Variants in LINGO1 observed in about 807,000 individuals in gnomAD.
LINGO1 encodes leucine rich repeat and Ig domain containing 1.
A neutral mutation model predicts 37.3 loss-of-function variants in LINGO1; 11 were observed. The ratio of observed to expected loss-of-function variants is 0.29; its 90% CI spans 0.19 to 0.49. The LOEUF is 0.49. LINGO1 is among the 20% of genes least tolerant of loss of function. LINGO1 has a pLI of 0.99. For synonymous variants in LINGO1, 387 were observed against 403.0 expected (o/e 0.96, Z 0.48); for missense variants, 585 against 878.2 (o/e 0.67, Z 4.22).
chr15:77,781,719 T>C (rs749930515), intron 1 of LINGO1, among the ~76,000 whole-genome samples: 6 of 152,208 alleles, frequency 3.9e-5, no homozygotes, highest in Non-Finnish European at 7.3e-5. Context: ...AAACTGAAGC[T>C]CAGAGGGGGT....
chr15:77,680,922 C>T (rs2075402840), intron 2 of LINGO1, among the ~76,000 whole-genome samples: 1 of 152,140 alleles, frequency 6.6e-6, no homozygotes, highest in African/African-American at 2.4e-5. Context: ...TGTGGGACAA[C>T]ACGAGGAACA....
At chr15:77,667,790 C>T (rs1288232495) in intron 3 of LINGO1, 1 of 152,138 alleles carries the variant, frequency 6.6e-6, no homozygotes, top group Non-Finnish European at 1.5e-5. Flanking sequence ...GAAAAGCGCC[C>T]TAGGGTCATC....
chr15:77,697,101 G>A (rs971523818), upstream of LINGO1, among the ~76,000 whole-genome samples: 11 of 152,362 alleles, frequency 7.2e-5, no homozygotes, highest in African/African-American at 2.6e-4. Flanking sequence ...CTGTGATCAT[G>A]CCACTGCACT....
rs565512912 is a variant in LINGO1, at chr15:77,670,832, G to T, written c.-13+6257C>A. On this transcript the variant is annotated intron_variant, in intron 3 of 3. Coordinates refer to the LINGO1 transcript ENST00000559893. ...GCAGGCAGCTCTGTGGCTGTTTCCT[G>T]CCTCAAAGCCCCCAGATCCCTGGGG... Among the ~76,000 whole-genome samples, 13 of 152,332 alleles carry T rather than the reference G, an allele frequency of 8.5e-5. 1 individual carries two copies. Among genetic ancestry groups the T allele is most frequent in the African/African-American group, 3.1e-4 (13 of 41,584 alleles).
chr15:77,724,408 G>A (rs1309259685), intron 2 of LINGO1, among the ~76,000 whole-genome samples: 1 of 152,312 alleles, frequency 6.6e-6, no homozygotes, highest in African/African-American at 2.4e-5. Context: ...CAAACGCGGG[G>A]ACTTATCAGG....
At chr15:77,672,008 C>T (rs1255139765) in intron 3 of LINGO1, among the ~76,000 whole-genome samples, 2 of 150,528 alleles carry the variant, frequency 1.3e-5, no homozygotes, top group Non-Finnish European at 3.0e-5. Flanking sequence ...CTGCCTCCTC[C>T]TCCTCCTCCT....
intron 2 of LINGO1, among the ~76,000 whole-genome samples, chr15:77,690,481 G>A (rs1023652383): frequency 1.2e-4 from 18 of 152,222 alleles, no homozygotes; most frequent in African/African-American, 4.3e-4. Context: ...TGCACCGTTT[G>A]ACTCACTGGA....
Position 77,614,947 on chromosome 15 carries a change from G to A in LINGO1, c.960C>T (p.Gly320=), listed in dbSNP as rs1157304705. The A allele has an allele frequency of 7.4e-6, 12 of 1,613,884 alleles. No individual in the cohort carries two copies. The highest frequency in any genetic ancestry group is 1.3e-5 in the African/African-American group (1 of 75,034). The change falls in exon 2 of 2, where the codon GGC becomes GGT. Residue 320 remains glycine, a synonymous_variant. Coordinates refer to ENST00000355300, the MANE Select transcript of LINGO1 (RefSeq NM_032808.7). ...LLRLQEIQLV[G]GQLAVVEPYA... ...AGGGCTCCACCACGGCCAGCTGCCC[G>A]CCCACCAGCTGGATCTCCTGCAGCC... is the stretch of plus-strand genomic sequence containing the variant.
intron 3 of LINGO1, among the ~76,000 whole-genome samples, chr15:77,649,828 C>T (rs1297229957): frequency 6.6e-6 from 1 of 152,092 alleles, no homozygotes. Flanking sequence ...TGATAGCCAC[C>T]AAGGGGAGAG....
chr15:77,806,727 C>G (rs1341820052), intron 1 of LINGO1, among the ~76,000 whole-genome samples: 7 of 152,160 alleles, frequency 4.6e-5, no homozygotes, highest in Admixed American at 1.3e-4. Flanking sequence ...CAGGGAAGAA[C>G]TGGAGTGCCT....
chr15:77,633,634 C>T (rs953469559), upstream of LINGO1, among the ~76,000 whole-genome samples: 3 of 152,206 alleles, frequency 2.0e-5, no homozygotes, highest in Non-Finnish European at 4.4e-5. Context: ...GCCTCTCTGG[C>T]CCGCTCCGTC....
chr15:77,796,992 T>C (rs1335232277), intron 1 of LINGO1, among the ~76,000 whole-genome samples: 1 of 152,270 alleles, frequency 6.6e-6, no homozygotes, highest in African/African-American at 2.4e-5. Context: ...GGAGCCATCA[T>C]GCCCAGCCAT....
chr15:77,728,193 G>A (rs1356234867), intron 2 of LINGO1, among the ~76,000 whole-genome samples: 3 of 152,194 alleles, frequency 2.0e-5, no homozygotes, highest in African/African-American at 4.8e-5. Context: ...GGCGGTGATC[G>A]ATCCTGCCCA....
chr15:77,652,495 T>A (rs1012215355), intron 3 of LINGO1, among the ~76,000 whole-genome samples: 1 of 147,826 alleles, frequency 6.8e-6, no homozygotes, highest in Non-Finnish European at 1.5e-5. Flanking sequence ...TGTGTGTGTG[T>A]GTGTGTGTGT....
upstream of LINGO1, among the ~76,000 whole-genome samples, chr15:77,700,995 G>A (rs546227033): frequency 1.6e-3 from 248 of 152,278 alleles, 2 homozygotes; most frequent in Non-Finnish European, 2.8e-3. Flanking sequence ...GGAGGAAAGC[G>A]GCAGTGTCCC....
chr15:77,634,974 T>C (rs1262825388), upstream of LINGO1, among the ~76,000 whole-genome samples: 2 of 151,708 alleles, frequency 1.3e-5, no homozygotes, highest in South Asian at 4.2e-4. Flanking sequence ...GGCCACCACA[T>C]CTCTCCGCCC....
intron 3 of LINGO1, chr15:77,647,774 C>G: frequency 4.5e-6 from 2 of 442,644 alleles, no homozygotes; most frequent in South Asian, 3.2e-5. Context: ...TTCCCTCTCA[C>G]CCCTCTCTCT....
At chr15:77,623,932 A>ACT (rs59893991) in intron 1 of LINGO1, among the ~76,000 whole-genome samples, 24,753 of 119,276 alleles carry the variant, frequency 0.21, 4,327 homozygotes, top group African/African-American at 0.51. Context: ...GTGTGTGTGG[A>ACT]CTGTGTATGT....
intron 1 of LINGO1, among the ~76,000 whole-genome samples, chr15:77,801,699 C>T (rs1230445821): frequency 6.6e-6 from 1 of 152,048 alleles, no homozygotes; most frequent in Admixed American, 6.6e-5. Context: ...TCAGCCCCAT[C>T]CAGTCCCAGC....
Sources: gnomAD v4.1 joint callset for allele counts (sites outside exome capture counted in the v4.1 genomes callset) on GRCh38, gnomAD v4.1.1 for gene constraint, MANE v1.5 for transcripts, NCBI Gene and HGNC (gene_info 2026-07-23, HGNC 2026-07-21) for gene names.